Variants in THSD7B observed in about 807,000 individuals in gnomAD.
THSD7B encodes the protein thrombospondin type 1 domain containing 7B.
THSD7B carries 138 observed loss-of-function variants against 213.6 expected under a neutral mutation model. That is an observed-to-expected ratio of 0.65 (90% confidence interval 0.56 to 0.74). The LOEUF is 0.74. THSD7B is among the 30% of genes least tolerant of loss of function. THSD7B has a pLI of 0.00. For missense variants in THSD7B, 1,931 were observed against 1,991.5 expected (o/e 0.97, Z 0.58); for synonymous variants, 742 against 687.0 (o/e 1.08, Z -1.25).
intron 5 of THSD7B, among the ~76,000 whole-genome samples, chr2:137,158,630 A>C (rs1043093518): frequency 2.7e-5 from 4 of 150,380 alleles, no homozygotes; most frequent in African/African-American, 1.0e-4. Context: ...TTCATTAGAA[A>C]TACTTTTTCC....
chr2:137,325,356 C>T lies in THSD7B; in HGVS notation c.2500+49330C>T, dbSNP rs144082184. Among the ~76,000 whole-genome samples, 341 of 152,194 alleles carry T rather than the reference C, an allele frequency of 2.2e-3. 2 individuals are homozygous for T. Among genetic ancestry groups the T allele is most frequent in the Middle Eastern group, 0.02 (6 of 294 alleles). On this transcript the variant is annotated intron_variant, in intron 12 of 27. Transcript: ENST00000409968. Reference sequence around the variant, plus strand: ...ATTTTATGCTTGCCCTGGAAAAGAGCAAGAACAACAGTGAAAGCAGGGTGA... The same window carrying T: ...ATTTTATGCTTGCCCTGGAAAAGAGTAAGAACAACAGTGAAAGCAGGGTGA...
intron 10 of THSD7B, among the ~76,000 whole-genome samples, chr2:137,249,535 C>T (rs1682121781): frequency 6.6e-6 from 1 of 152,146 alleles, no homozygotes; most frequent in Non-Finnish European, 1.5e-5. Flanking sequence ...GTCTTCTTCC[C>T]TCTGGACTAG....
chr2:137,015,841 T>C (rs1472903654), intron 2 of THSD7B, among the ~76,000 whole-genome samples: 1 of 152,148 alleles, frequency 6.6e-6, no homozygotes, highest in Non-Finnish European at 1.5e-5. Context: ...TGATGTCTTA[T>C]AAATTGCAGA....
intron 12 of THSD7B, among the ~76,000 whole-genome samples, chr2:137,384,445 A>G (rs562486183): frequency 3.3e-5 from 5 of 152,302 alleles, no homozygotes; most frequent in African/African-American, 1.2e-4. Flanking sequence ...TCTCTGTTAG[A>G]CAGAAGGGAT....
chr2:137,272,420 C>T (rs533597759), intron 10 of THSD7B, 113 bp from the exon 11 acceptor site: 21 of 1,122,858 alleles, frequency 1.9e-5, no homozygotes, highest in Admixed American at 3.3e-5. Context: ...CCCAGGTTGA[C>T]TTTCCACATG....
intron 7 of THSD7B, among the ~76,000 whole-genome samples, chr2:137,214,539 C>T (rs886615124): frequency 1.3e-5 from 2 of 152,058 alleles, no homozygotes; most frequent in Non-Finnish European, 2.9e-5. Flanking sequence ...CCCATCACCC[C>T]GTCATCTGTA....
chr2:137,282,428 G>T (rs1294733152), intron 12 of THSD7B, among the ~76,000 whole-genome samples: 1 of 152,108 alleles, frequency 6.6e-6, no homozygotes, highest in African/African-American at 2.4e-5. Context: ...ATCTGTCAAT[G>T]TTGGCTTTTG....
chr2:137,303,118 T>C (rs1182126435), intron 12 of THSD7B, among the ~76,000 whole-genome samples: 1 of 152,202 alleles, frequency 6.6e-6, no homozygotes, highest in Non-Finnish European at 1.5e-5. Context: ...TGCTCCTGCC[T>C]GAGCCTGCCA....
intron 14 of THSD7B, among the ~76,000 whole-genome samples, chr2:137,436,394 C>T (rs925617174): frequency 6.6e-6 from 1 of 152,090 alleles, no homozygotes; most frequent in African/African-American, 2.4e-5. Flanking sequence ...AAAGAATTTG[C>T]ACGAGAATGC....
chr2:137,427,855 G>A (rs1687094369), intron 14 of THSD7B, among the ~76,000 whole-genome samples: 1 of 152,044 alleles, frequency 6.6e-6, no homozygotes, highest in Admixed American at 6.6e-5. Context: ...CACAAAAACA[G>A]GGAACTATGT....
At chr2:137,038,209 T>C (rs894493168) in intron 2 of THSD7B, among the ~76,000 whole-genome samples, 1 of 152,198 alleles carries the variant, frequency 6.6e-6, no homozygotes, top group African/African-American at 2.4e-5. Flanking sequence ...TTTCATGGTT[T>C]TTGACGTTCT....
chr2:137,346,561 C>A (rs942538384), intron 12 of THSD7B, among the ~76,000 whole-genome samples: 4 of 151,602 alleles, frequency 2.6e-5, no homozygotes, highest in African/African-American at 9.7e-5. Context: ...GACTCTTATA[C>A]CAATTATTTT....
intron 17 of THSD7B, among the ~76,000 whole-genome samples, chr2:137,574,217 C>T (rs988467650): frequency 6.6e-6 from 1 of 151,980 alleles, no homozygotes; most frequent in Non-Finnish European, 1.5e-5. Flanking sequence ...ATTGTAAGAA[C>T]GTTTTACACA....
At chr2:137,479,428 G>T (rs1423323458) in intron 15 of THSD7B, 1 of 335,058 alleles carries the variant, frequency 3.0e-6, no homozygotes, top group South Asian at 2.2e-5. Flanking sequence ...GCATGCAGGT[G>T]CTGGCTGTGG....
At chr2:137,562,525 A>G (rs1681141449) in intron 15 of THSD7B, among the ~76,000 whole-genome samples, 1 of 151,934 alleles carries the variant, frequency 6.6e-6, no homozygotes, top group Non-Finnish European at 1.5e-5. Context: ...CATTGTTTTC[A>G]CCATAAAATT....
At chr2:137,209,986 A>G (rs1681064679) in intron 7 of THSD7B, among the ~76,000 whole-genome samples, 1 of 152,136 alleles carries the variant, frequency 6.6e-6, no homozygotes, top group African/African-American at 2.4e-5. Flanking sequence ...CCTGGAAGGC[A>G]TGTATACAGA....
chr2:136,887,329 T>A (rs72844056), intron 2 of THSD7B, among the ~76,000 whole-genome samples: 17 of 151,038 alleles, frequency 1.1e-4, no homozygotes, highest in African/African-American at 2.4e-4. Context: ...TGTGTGTGTG[T>A]GACAGGCTTT....
At chr2:137,541,157 T>C (rs528842408) in intron 15 of THSD7B, among the ~76,000 whole-genome samples, 3 of 151,802 alleles carry the variant, frequency 2.0e-5, no homozygotes, top group African/African-American at 7.2e-5. Context: ...ATACATATCA[T>C]AGAGTTATTT....
chr2:137,549,800 G>A (rs1680811193), intron 15 of THSD7B, among the ~76,000 whole-genome samples: 1 of 151,974 alleles, frequency 6.6e-6, no homozygotes, highest in Non-Finnish European at 1.5e-5. Context: ...TTTTGTGATT[G>A]GCATATTTCA....
Sources: allele counts gnomAD v4.1 joint callset (sites outside exome capture counted in the v4.1 genomes callset), GRCh38; gene constraint gnomAD v4.1.1; transcripts MANE v1.5; gene names NCBI Gene and HGNC (gene_info 2026-07-23, HGNC 2026-07-21).